The following NRG1 variants were observed in gnomAD, a reference collection of about 807,000 sequenced individuals.
NRG1 encodes the protein pro-neuregulin-1, membrane-bound isoform.
In NRG1, 18 loss-of-function variants were observed where a neutral mutation model predicts 63.8. The ratio of observed to expected loss-of-function variants is 0.28; its 90% CI spans 0.19 to 0.42. The LOEUF (loss-of-function observed/expected upper bound fraction) is 0.42, where lower values mean the gene tolerates loss of function less well. Among genes scored for constraint, NRG1 ranks in the 10% least tolerant of loss-of-function variants. The pLI is 1.00. For missense variants in NRG1, 762 were observed against 814.7 expected, an observed-to-expected ratio of 0.94 and a Z score of 0.79; for synonymous variants, 302 against 301.3, an observed-to-expected ratio of 1.00 and a Z score of -0.02.
chr8:32,041,591 C>T (rs773594307), intron 1 of NRG1, among the ~76,000 whole-genome samples: 9 of 152,118 alleles, frequency 5.9e-5, no homozygotes, highest in Non-Finnish European at 1.3e-4. Context: ...CTGGCAGTGA[C>T]GGTGACAGCA....
chr8:32,631,168 T>TA (rs76181958), intron 5 of NRG1, among the ~76,000 whole-genome samples: 1 of 152,228 alleles, frequency 6.6e-6, no homozygotes, highest in African/African-American at 2.4e-5. Flanking sequence ...TAACTTTTTT[T>TA]AAAAAAAAGA....
chr8:31,836,060 C>T (rs902609939), intron 1 of NRG1, among the ~76,000 whole-genome samples: 6 of 152,084 alleles, frequency 3.9e-5, no homozygotes, highest in Non-Finnish European at 7.4e-5. Context: ...CTGAATGGAC[C>T]TTAGAGTACA....
chr8:32,373,752 T>C (rs1809247142), intron 1 of NRG1, among the ~76,000 whole-genome samples: 1 of 152,152 alleles, frequency 6.6e-6, no homozygotes, highest in Non-Finnish European at 1.5e-5. Context: ...CACTCCAGCC[T>C]GGGTGACAGA....
At chr8:32,734,420 T>TTTTGTTGTATTTGTAGTA (rs1359945342) in intron 6 of NRG1, among the ~76,000 whole-genome samples, 4 of 152,134 alleles carry the variant, frequency 2.6e-5, no homozygotes, top group Non-Finnish European at 5.9e-5. Flanking sequence ...AAGAACACAC[T>TTTTGTTGTATTTGTAGTA]TTTGTTGTAT....
At position 32,557,173 on chromosome 8, in the gene NRG1, T is replaced by C. The variant is rs189724156; in HGVS notation, c.100+8347T>C. On this transcript the variant is annotated intron_variant, in intron 1 of 11. Transcript: ENST00000356819. ...GGCGCCTGCCACCACACCCAGCTAA[T>C]TTTTTTCGTATTTTTAGTAGAGACG... Among the ~76,000 whole-genome samples the C allele has an allele frequency of 6.9e-3, 1,047 of 152,128 alleles. 14 individuals are homozygous for C. Among genetic ancestry groups the C allele is most frequent in the African/African-American group, 0.024 (982 of 41,524 alleles).
chr8:32,219,190 T>C (rs1845555500), intron 1 of NRG1, among the ~76,000 whole-genome samples: 1 of 152,220 alleles, frequency 6.6e-6, no homozygotes, highest in Non-Finnish European at 1.5e-5. Flanking sequence ...TGCATGATGC[T>C]ATAGTTGGCA....
chr8:32,390,017 C>T (rs1350560099), intron 1 of NRG1, among the ~76,000 whole-genome samples: 1 of 152,156 alleles, frequency 6.6e-6, no homozygotes, highest in Non-Finnish European at 1.5e-5. Context: ...ACCTTGGCCT[C>T]CCAAAGTGCT....
At chr8:31,747,973 T>C (rs1201403097) in intron 1 of NRG1, among the ~76,000 whole-genome samples, 1 of 152,026 alleles carries the variant, frequency 6.6e-6, no homozygotes, top group Admixed American at 6.6e-5. Context: ...TTTGGTTGAA[T>C]TTATTGTCTT....
chr8:32,574,558 G>A (rs1381388045), intron 1 of NRG1, among the ~76,000 whole-genome samples: 1 of 152,128 alleles, frequency 6.6e-6, no homozygotes, highest in African/African-American at 2.4e-5. Context: ...CTGTCCTCAT[G>A]ATAATGACTA....
intron 1 of NRG1, among the ~76,000 whole-genome samples, chr8:31,769,275 C>T (rs1818383508): frequency 6.6e-6 from 1 of 152,154 alleles, no homozygotes; most frequent in South Asian, 2.1e-4. Flanking sequence ...TGTCACAGCT[C>T]ATCTTGCAAG....
chr8:32,431,275 A>G (rs1355735113), intron 1 of NRG1, among the ~76,000 whole-genome samples: 3 of 152,144 alleles, frequency 2.0e-5, no homozygotes. Flanking sequence ...ACAGTACTGG[A>G]TGGGGATTAT....
intron 1 of NRG1, among the ~76,000 whole-genome samples, chr8:32,470,619 T>C (rs1406003856): frequency 6.6e-6 from 1 of 152,178 alleles, no homozygotes; most frequent in Non-Finnish European, 1.5e-5. Flanking sequence ...TAGAATTACT[T>C]TGGGATGAGT....
rs115225995 is a variant in NRG1, at chr8:31,788,168, A to G, written c.37+148737A>G. Among the ~76,000 whole-genome samples the G allele has an allele frequency of 4.4e-3, 663 of 152,244 alleles. 6 individuals are homozygous for G. The highest frequency in any genetic ancestry group is 0.015 in the African/African-American group (625 of 41,568). Reference sequence around the variant, plus strand: ...AAGTGTCCTTAGAGCATATTTTTATAGTATAAAAATTGGGAAAAAATTAAG... The same window carrying G: ...AAGTGTCCTTAGAGCATATTTTTATGGTATAAAAATTGGGAAAAAATTAAG... On this transcript the variant is annotated intron_variant, in intron 1 of 10. Transcript: ENST00000519301.
chr8:32,703,673 T>C (rs1289592675), intron 5 of NRG1, among the ~76,000 whole-genome samples: 1 of 152,230 alleles, frequency 6.6e-6, no homozygotes, highest in Non-Finnish European at 1.5e-5. Flanking sequence ...TCTTTTAGAA[T>C]ACAAACTGTT....
intron 5 of NRG1, among the ~76,000 whole-genome samples, chr8:32,663,843 T>A (rs1424444509): frequency 2.6e-5 from 4 of 152,136 alleles, no homozygotes; most frequent in Non-Finnish European, 5.9e-5. Context: ...TCTCTTTACA[T>A]CCCTGTCCTC....
At chr8:32,444,663 A>G (rs1339862508) in intron 1 of NRG1, among the ~76,000 whole-genome samples, 3 of 152,058 alleles carry the variant, frequency 2.0e-5, no homozygotes, top group African/African-American at 7.2e-5. Flanking sequence ...TTTTAATTAT[A>G]TTTTTCTATC....
At chr8:32,495,532 G>A (rs528911201) in intron 1 of NRG1, among the ~76,000 whole-genome samples, 22 of 151,708 alleles carry the variant, frequency 1.5e-4, no homozygotes, top group African/African-American at 4.8e-4. Context: ...GTGTGATCTC[G>A]GCTCACTGAA....
intron 1 of NRG1, among the ~76,000 whole-genome samples, chr8:32,541,994 C>A (rs1052214684): frequency 3.3e-5 from 5 of 152,130 alleles, no homozygotes; most frequent in African/African-American, 1.2e-4. Flanking sequence ...ATGCCTAGGA[C>A]AAGAAGTTTT....
intron 1 of NRG1, among the ~76,000 whole-genome samples, chr8:31,868,590 C>T (rs1248716666): frequency 1.3e-5 from 2 of 152,162 alleles, no homozygotes; most frequent in Non-Finnish European, 2.9e-5. Flanking sequence ...CCTTGTGACC[C>T]TTATCATCAT....
Sources: allele counts gnomAD v4.1 joint callset (sites outside exome capture counted in the v4.1 genomes callset), GRCh38; gene constraint gnomAD v4.1.1; transcripts MANE v1.5; gene names NCBI Gene and HGNC (gene_info 2026-07-23, HGNC 2026-07-21).